BBS9: variants seen among roughly 807,000 people sequenced by gnomAD.
BBS9 encodes Bardet-Biedl syndrome 9, also known as protein PTHB1.
In BBS9, 89 loss-of-function variants were observed where a neutral mutation model predicts 117.7. The ratio of observed to expected loss-of-function variants is 0.76; its 90% CI spans 0.64 to 0.90. The LOEUF (loss-of-function observed/expected upper bound fraction) is 0.90. Among genes scored for constraint, BBS9 ranks in the 40% least tolerant of loss-of-function variants. The pLI is 0.00. For missense variants in BBS9, 982 were observed against 1,042.2 expected, an observed-to-expected ratio of 0.94 and a Z score of 0.80; for synonymous variants, 379 against 370.9, an observed-to-expected ratio of 1.02 and a Z score of -0.25.
intron 21 of BBS9, among the ~76,000 whole-genome samples, chr7:33,621,276 G>A (rs1480850290): frequency 6.6e-6 from 1 of 152,068 alleles, no homozygotes. Flanking sequence ...ATGGAATGGG[G>A]AAAATATTTG....
chr7:33,316,104 T>C (rs1810450394), intron 9 of BBS9, among the ~76,000 whole-genome samples: 1 of 152,204 alleles, frequency 6.6e-6, no homozygotes. Flanking sequence ...GTGCTTTCTC[T>C]GTTAATAATC....
intron 20 of BBS9, among the ~76,000 whole-genome samples, chr7:33,519,837 A>G (rs1316503347): frequency 6.6e-6 from 1 of 152,158 alleles, no homozygotes; most frequent in Non-Finnish European, 1.5e-5. Flanking sequence ...ATTTACAGCT[A>G]TATAGTCCTG....
At chr7:33,177,861 C>T in intron 5 of BBS9, 1 of 361,684 alleles carries the variant, frequency 2.8e-6, no homozygotes, top group Non-Finnish European at 5.1e-6. Flanking sequence ...TAAAAAAAAA[C>T]CTTTAAACAT....
intron 9 of BBS9, among the ~76,000 whole-genome samples, chr7:33,321,191 C>T (rs1218324927): frequency 6.6e-6 from 1 of 151,840 alleles, no homozygotes; most frequent in African/African-American, 2.4e-5. Flanking sequence ...TTTTGTTTTT[C>T]TTGCTCAGGA....
chr7:33,398,644 A>G (rs1267657666), intron 19 of BBS9, among the ~76,000 whole-genome samples: 1 of 152,256 alleles, frequency 6.6e-6, no homozygotes, highest in Non-Finnish European at 1.5e-5. Flanking sequence ...TTCAAGTCAC[A>G]AATGTGAGCC....
chr7:33,598,429 G>C (rs1414110260), intron 21 of BBS9, among the ~76,000 whole-genome samples: 1 of 152,088 alleles, frequency 6.6e-6, no homozygotes, highest in Admixed American at 6.6e-5. Context: ...ATGTTATGAA[G>C]TATTCTGGAT....
At chr7:33,472,342 A>G (rs940787834) in intron 19 of BBS9, among the ~76,000 whole-genome samples, 1 of 152,190 alleles carries the variant, frequency 6.6e-6, no homozygotes, top group Admixed American at 6.5e-5. Context: ...GTTTTTTGAT[A>G]TTATAGTGGA....
intron 19 of BBS9, among the ~76,000 whole-genome samples, chr7:33,448,475 T>A (rs1311177892): frequency 6.6e-6 from 1 of 152,210 alleles, no homozygotes; most frequent in Non-Finnish European, 1.5e-5. Flanking sequence ...TGAATCTTAT[T>A]ATACTTAATC....
chr7:33,469,096 G>A (rs1401983965), intron 19 of BBS9, among the ~76,000 whole-genome samples: 1 of 152,046 alleles, frequency 6.6e-6, no homozygotes, highest in Non-Finnish European at 1.5e-5. Flanking sequence ...TAGATTGACT[G>A]TGCATTGGTA....
intron 7 of BBS9, among the ~76,000 whole-genome samples, chr7:33,271,675 T>C (rs977240746): frequency 6.6e-6 from 1 of 152,170 alleles, no homozygotes; most frequent in Non-Finnish European, 1.5e-5. Flanking sequence ...TAAATATATA[T>C]GCACCCAACA....
intron 19 of BBS9, among the ~76,000 whole-genome samples, chr7:33,475,994 C>T (rs370467089): frequency 2.0e-5 from 3 of 152,078 alleles, no homozygotes; most frequent in Non-Finnish European, 4.4e-5. Flanking sequence ...TACAGAGAGG[C>T]GGTCAATTGA....
At chr7:33,454,448 A>G (rs1173860888) in intron 19 of BBS9, among the ~76,000 whole-genome samples, 2 of 152,202 alleles carry the variant, frequency 1.3e-5, no homozygotes, top group African/African-American at 2.4e-5. Context: ...CTTAGAGGAA[A>G]TAAACTCCAA....
intron 4 of BBS9, among the ~76,000 whole-genome samples, chr7:33,164,369 A>C (rs1001078461): frequency 2.0e-5 from 3 of 152,162 alleles, no homozygotes; most frequent in Admixed American, 2.0e-4. Context: ...AGCTGAGTTC[A>C]AGTCCTGGAT....
intron 21 of BBS9, among the ~76,000 whole-genome samples, chr7:33,600,317 T>A (rs1863598153): frequency 6.6e-6 from 1 of 152,216 alleles, no homozygotes; most frequent in Admixed American, 6.5e-5. Flanking sequence ...ATTCATTTAA[T>A]TTTTCTACTA....
chr7:33,374,627 C>T lies in BBS9; in HGVS notation c.1789+6765C>T, dbSNP rs372963859. Among the ~76,000 whole-genome samples, 36 of 152,064 alleles carry T rather than the reference C, an allele frequency of 2.4e-4. No homozygotes were observed. The South Asian group carries it at 4.2e-3, about 18-fold the overall frequency. ...ATGTTAAACCTACCAAAAGGCCGGG[C>T]GTGGTGGCTCACGCCTGTAATCCCA... On this transcript the variant is annotated intron_variant, in intron 17 of 22. Transcript: ENST00000242067.
At chr7:33,208,955 C>G (rs1306946194) in intron 5 of BBS9, among the ~76,000 whole-genome samples, 1 of 152,048 alleles carries the variant, frequency 6.6e-6, no homozygotes, top group African/African-American at 2.4e-5. Context: ...TACAAACGAT[C>G]CAATTAGACT....
intron 19 of BBS9, among the ~76,000 whole-genome samples, chr7:33,475,158 G>A (rs1230652300): frequency 6.6e-6 from 1 of 152,206 alleles, no homozygotes; most frequent in African/African-American, 2.4e-5. Context: ...ATGCTTTGCA[G>A]TCTATCTGGT....
intron 15 of BBS9, among the ~76,000 whole-genome samples, chr7:33,354,188 C>T (rs1374690436): frequency 6.6e-6 from 1 of 151,900 alleles, no homozygotes; most frequent in Non-Finnish European, 1.5e-5. Flanking sequence ...TATAATTAAG[C>T]TTTAGGGAGT....
At chr7:33,309,310 A>C (rs1380380540) in intron 9 of BBS9, among the ~76,000 whole-genome samples, 1 of 147,294 alleles carries the variant, frequency 6.8e-6, no homozygotes, top group Non-Finnish European at 1.5e-5. Context: ...TTCAAATTAT[A>C]ACACGTTTGA....
Sources: allele counts gnomAD v4.1 joint callset (sites outside exome capture counted in the v4.1 genomes callset), GRCh38; gene constraint gnomAD v4.1.1; transcripts MANE v1.5; gene names NCBI Gene and HGNC (gene_info 2026-07-23, HGNC 2026-07-21).